The following PIP5K1C variants were observed in gnomAD, a reference collection of about 807,000 sequenced individuals.
PIP5K1C encodes phosphatidylinositol 4-phosphate 5-kinase type-1 gamma.
Under a neutral mutation model 80.1 loss-of-function variants are expected in PIP5K1C, and 45 were observed. The ratio of observed to expected loss-of-function variants is 0.56; its 90% CI spans 0.44 to 0.72. The LOEUF is 0.72. Ranked by LOEUF, PIP5K1C falls within the 30% of genes least tolerant of loss-of-function variation. The pLI, the probability that PIP5K1C is intolerant of heterozygous loss-of-function variation, is 0.00. For synonymous variants in PIP5K1C, 498 were observed against 420.1 expected (o/e 1.19, Z -2.27); for missense variants, 753 against 954.6 (o/e 0.79, Z 2.78).
Position 3,695,068 on chromosome 19 carries a change from G to A in PIP5K1C, c.94+5229C>T, listed in dbSNP as rs371061204. Among the ~76,000 whole-genome samples the A allele has an allele frequency of 2.0e-4, 31 of 152,364 alleles. 1 individual carries two copies. In the East Asian group the frequency reaches 4.4e-3, roughly 22 times the overall value. ...AACTTTGTTGACAAGAAGCGGCATG[G>A]ACAGATTCGGGTGGGGTCTCACGTG... On this transcript the variant is annotated intron_variant, in intron 1 of 17. Transcript: ENST00000335312.
intron 16 of PIP5K1C, chr19:3,636,965 T>C: frequency 9.8e-7 from 1 of 1,017,548 alleles, no homozygotes; most frequent in Non-Finnish European, 1.2e-6. Context: ...CTTGGGGATC[T>C]GGATTTTGAC....
In PIP5K1C at chr19:3,636,941, G is replaced by T. The variant is rs118145857; in HGVS notation, c.1920+1943C>A. The T allele has an allele frequency of 4.7e-3, 4,705 of 1,011,066 alleles. 10 individuals are homozygous for T. The highest frequency in any genetic ancestry group is 5.3e-3 in the Non-Finnish European group (4,505 of 845,354). The allele number at this position is 1,011,066 out of a possible 1,614,324, so 62.6% of individuals were successfully genotyped here. A position where few individuals can be genotyped will look rare whatever the true frequency, so the allele number is the denominator to read the frequency against. On this transcript the variant is annotated intron_variant, in intron 16 of 17. Coordinates refer to ENST00000335312, the MANE Select transcript of PIP5K1C (RefSeq NM_012398.3). ...TGGGGCCCATGTGGCGTCCCAGGGG[G>T]ACCTCCTTGAGAGCTTGGGGATCTG...
At position 3,653,539 on chromosome 19, in the gene PIP5K1C, G is replaced by A; in HGVS notation, c.672C>T (p.Tyr224=). 6.2e-7 allele frequency: 1 copy of A among 1,613,640 alleles called. No homozygotes were observed. The highest frequency in any genetic ancestry group is 1.3e-5 in the African/African-American group (1 of 75,058). ...TGTTCTTGCCCCCCGACTGCACGCA[G>A]TACAGCCCATAGAACTTGGGCAGCA... ...RTLLPKFYGL[Y]CVQSGGKNIR... Residue 224 remains tyrosine, a synonymous_variant, in exon 7 of 18, where the codon TAC becomes TAT. Transcript: ENST00000335312.
chr19:3,684,984 C>T (rs1352982742), intron 1 of PIP5K1C, among the ~76,000 whole-genome samples: 1 of 152,208 alleles, frequency 6.6e-6, no homozygotes, highest in Non-Finnish European at 1.5e-5. Flanking sequence ...AACTTCCATC[C>T]TTTGGTGCCG....
In PIP5K1C at chr19:3,653,192, C is replaced by T. The variant is rs570191760; in HGVS notation, c.921+98G>A. On this transcript the variant is annotated intron_variant, in intron 7 of 17. Transcript: ENST00000335312. Reference sequence around the variant, plus strand: ...TGTAGGCTGCAGGGCAGGTGGGCCTCGGCCTGGCACCCTCCCTGGCCCTGC... The same window carrying T: ...TGTAGGCTGCAGGGCAGGTGGGCCTTGGCCTGGCACCCTCCCTGGCCCTGC... 2.8e-5 allele frequency: 32 copies of T among 1,163,402 alleles called. No homozygotes were observed. The East Asian group carries it at 3.7e-4, about 13-fold the overall frequency. 72.1% of individuals were successfully genotyped at this position (1,163,402 alleles called of 1,614,324 possible).
Position 3,639,018 on chromosome 19 carries a change from TG to T in PIP5K1C, c.1788-3del, listed in dbSNP as rs1255535417. On this transcript the variant is annotated splice_polypyrimidine_tract_variant and splice_region_variant and intron_variant, in intron 15 of 17. Coordinates refer to ENST00000335312, the MANE Select transcript of PIP5K1C (RefSeq NM_012398.3). ...GCACCGGCCGGGGAAGCCTCCACCCTGGGGACAGGAGTAGACAGAGGGTCTT... is the reference window on the plus strand; with the variant it reads ...GCACCGGCCGGGGAAGCCTCCACCCTGGGACAGGAGTAGACAGAGGGTCTT... 25 of 1,610,138 alleles carry T rather than the reference TG, an allele frequency of 1.6e-5. No individual in the cohort carries two copies. The highest frequency in any genetic ancestry group is 2.0e-5 in the Non-Finnish European group (24 of 1,179,864).
In PIP5K1C at chr19:3,689,770, C is replaced by T. The variant is rs184041858; in HGVS notation, c.94+10527G>A. On this transcript the variant is annotated intron_variant, in intron 1 of 17. Transcript: ENST00000335312. The stretch of plus-strand genomic sequence containing the variant: ...AAATGGCCTGACATAATCACACACG[C>T]ACACGCTAACACACACACACTAACT... Among the ~76,000 whole-genome samples the T allele has an allele frequency of 1.2e-3, 179 of 152,278 alleles. 4 individuals are homozygous for T. Among genetic ancestry groups the T allele is most frequent in the African/African-American group, 4.2e-3 (175 of 41,530 alleles).
chr19:3,663,538 C>G (rs1354917414), intron 3 of PIP5K1C, among the ~76,000 whole-genome samples: 2 of 152,218 alleles, frequency 1.3e-5, no homozygotes, highest in Non-Finnish European at 2.9e-5. Flanking sequence ...CATCAAACCA[C>G]AGGGGGGCCA....
At chr19:3,653,840 G>A (rs908776869) in intron 6 of PIP5K1C, among the ~76,000 whole-genome samples, 6 of 152,228 alleles carry the variant, frequency 3.9e-5, no homozygotes, top group Admixed American at 1.3e-4. Flanking sequence ...CAAGGCAGGC[G>A]CTTCTGTTCC....
rs2035851326 is a variant in PIP5K1C, at chr19:3,688,748, G to GA, written c.94+11548_94+11549insT. On this transcript the variant is annotated intron_variant, in intron 1 of 17. Transcript: ENST00000335312. This position sits in a 1 kb window ranked among gnomAD's most constrained non-coding sequence, Gnocchi z 5.3. ...GAGAGCGGAAAGAGAGAGAGAGAGA[G>GA]GAGAGTGGGGGGAGAACGAGAGCGA... Among the ~76,000 whole-genome samples, 1 of 152,116 alleles carries GA rather than the reference G, an allele frequency of 6.6e-6. No homozygotes were observed. Among genetic ancestry groups the GA allele is most frequent in the East Asian group, 1.9e-4 (1 of 5,152 alleles).
chr19:3,673,290 G>A (rs912726146), intron 1 of PIP5K1C, among the ~76,000 whole-genome samples: 10 of 152,066 alleles, frequency 6.6e-5, no homozygotes, highest in Non-Finnish European at 1.3e-4. Flanking sequence ...CCCAGACCTG[G>A]CTTGAACATC....
intron 5 of PIP5K1C, 119 bp from the exon 6 acceptor site, chr19:3,656,676 C>T (rs897666763): frequency 4.4e-5 from 51 of 1,170,748 alleles, no homozygotes; most frequent in East Asian, 3.4e-4. Flanking sequence ...TTTACAGATG[C>T]GGAAAGAGAG....
At chr19:3,666,047 G>A (rs1437825951) in intron 2 of PIP5K1C, among the ~76,000 whole-genome samples, 2 of 152,142 alleles carry the variant, frequency 1.3e-5, no homozygotes, top group African/African-American at 4.8e-5. Context: ...CTCTCCCCAG[G>A]AATTCACCCC....
Position 3,700,371 on chromosome 19 carries a change from T to G in PIP5K1C, c.20A>C (p.Asp7Ala), listed in dbSNP as rs1411754882. ...CCCCGCCTCAGCGCTCTCCGCCTCG[T>G]CCGGTACCTCCAGCTCCATGGCCGC... The part of the protein sequence containing the change: MELEVP[D>A]EAESAEAGAV... Residue 7 changes from aspartate to alanine, a missense_variant, in exon 1 of 18, where the codon GAC (aspartate) becomes GCC (alanine). Asp to Ala is a moderately radical substitution (Grantham distance 126). This residue lies in a region of PIP5K1C where 78 missense variants were observed against 67.1 expected (regional missense o/e 1.16). Transcript: ENST00000335312. 1 of 1,269,830 alleles carries G rather than the reference T, an allele frequency of 7.9e-7. No individual in the cohort carries two copies. Among genetic ancestry groups the G allele is most frequent in the Non-Finnish European group, 1.0e-6 (1 of 990,024 alleles). 78.7% of individuals were successfully genotyped at this position (1,269,830 alleles called of 1,614,324 possible).
intron 1 of PIP5K1C, among the ~76,000 whole-genome samples, chr19:3,679,138 G>A (rs989149477): frequency 2.0e-5 from 3 of 152,022 alleles, no homozygotes; most frequent in Non-Finnish European, 2.9e-5. Flanking sequence ...TTTCCCCCAG[G>A]GGAAAGGTGA....
At chr19:3,658,165 G>A (rs752785751) in intron 5 of PIP5K1C, among the ~76,000 whole-genome samples, 12 of 152,206 alleles carry the variant, frequency 7.9e-5, no homozygotes, top group South Asian at 2.1e-4. Context: ...AGGTGCTCTC[G>A]GGCCAGGGAA....
intron 3 of PIP5K1C, among the ~76,000 whole-genome samples, chr19:3,663,580 G>A (rs1260196807): frequency 6.6e-6 from 1 of 152,238 alleles, no homozygotes; most frequent in Non-Finnish European, 1.5e-5. Flanking sequence ...TCGGGAGGCC[G>A]GGGTGGGAGG....
chr19:3,662,127 C>T, intron 3 of PIP5K1C, 126 bp from the exon 4 acceptor site: 3 of 1,182,656 alleles, frequency 2.5e-6, no homozygotes, highest in Non-Finnish European at 3.6e-6. Flanking sequence ...CCAACCCCCT[C>T]CTGGTGGTCC....
intron 3 of PIP5K1C, among the ~76,000 whole-genome samples, chr19:3,662,884 C>T (rs1176871964): frequency 6.6e-6 from 1 of 152,020 alleles, no homozygotes. Flanking sequence ...TTTTTTGAGA[C>T]AGAGTCTTGC....
Sources: gnomAD v4.1 joint callset for allele counts (sites outside exome capture counted in the v4.1 genomes callset) on GRCh38, gnomAD v4.1.1 for gene constraint, gnomAD v4.1.1 regional missense constraint, Gnocchi (gnomAD v3.1) non-coding constraint, MANE v1.5 for transcripts, NCBI Gene and HGNC (gene_info 2026-07-23, HGNC 2026-07-21) for gene names.